The following CAPN2 variants were observed in gnomAD, a reference collection of about 807,000 sequenced individuals.
CAPN2 encodes calpain-2 catalytic subunit.
A neutral mutation model predicts 102.3 loss-of-function variants in CAPN2; 92 were observed. The ratio of observed to expected loss-of-function variants is 0.90; its 90% CI spans 0.76 to 1.07. The LOEUF is 1.07. Ranked by LOEUF, CAPN2 falls within the 50% of genes least tolerant of loss-of-function variation. CAPN2 has a pLI of 0.00. For synonymous variants in CAPN2, 340 were observed against 355.4 expected (o/e 0.96, Z 0.49); for missense variants, 800 against 909.4 (o/e 0.88, Z 1.55).
chr1:223,722,253 C>A (rs1021612833), intron 2 of CAPN2, among the ~76,000 whole-genome samples: 22 of 125,680 alleles, frequency 1.8e-4, no homozygotes, highest in African/African-American at 5.3e-4. Flanking sequence ...ATTTTTATTT[C>A]TTTTCCTTTC....
intron 9 of CAPN2, among the ~76,000 whole-genome samples, 196 bp downstream of exon 9, chr1:223,753,152 C>T (rs1660948959): frequency 6.6e-6 from 1 of 150,838 alleles, no homozygotes. Context: ...CTCTCTTTCT[C>T]AATCCCTTAC....
At chr1:223,768,416 C>T (rs1256891986) in intron 16 of CAPN2, among the ~76,000 whole-genome samples, 5 of 150,336 alleles carry the variant, frequency 3.3e-5, no homozygotes, top group African/African-American at 1.2e-4. Flanking sequence ...TATGGCTAGC[C>T]AGTTTTCCCA....
At chr1:223,705,032 C>T (rs1432117894) in intron 1 of CAPN2, among the ~76,000 whole-genome samples, 2 of 152,200 alleles carry the variant, frequency 1.3e-5, no homozygotes, top group Non-Finnish European at 2.9e-5. Flanking sequence ...CCCAGTTCAT[C>T]CACTAAAGGA....
chr1:223,731,591 C>T lies in CAPN2; in HGVS notation c.308-12509C>T, dbSNP rs77988699. On this transcript the variant is annotated intron_variant, in intron 2 of 20. Coordinates refer to ENST00000295006, the MANE Select transcript of CAPN2 (RefSeq NM_001748.5). This position sits in a 1 kb window ranked among gnomAD's most constrained non-coding sequence, Gnocchi z 4.2. ...CTCCTGCCGGCTGTGAGCTCACTGC[C>T]TCAGAACCAGCGCCAGTCTCCTCTA... Among the ~76,000 whole-genome samples the T allele has an allele frequency of 4.8e-3, 728 of 152,338 alleles. 34 individuals are homozygous for T. In the East Asian group the frequency reaches 0.11, roughly 24 times the overall value.
At chr1:223,758,668 T>G (rs1661101103) in intron 11 of CAPN2, 1 of 153,206 alleles carries the variant, frequency 6.5e-6, no homozygotes, top group African/African-American at 2.4e-5. Context: ...CAGGCATTTG[T>G]GTTTTTTGGT....
chr1:223,757,685 A>G (rs1661071437), intron 11 of CAPN2: 1 of 473,252 alleles, frequency 2.1e-6, no homozygotes, highest in Non-Finnish European at 3.8e-6. Flanking sequence ...GCTTTTCACA[A>G]AGTTCTTTGT....
rs769967044 is a variant in CAPN2 at position 223,769,896 on chromosome 1, T to C, written c.1811T>C (p.Ile604Thr). 2.5e-6 allele frequency: 4 copies of C among 1,603,282 alleles called. No individual in the cohort carries two copies. In the East Asian group the frequency reaches 9.0e-5, roughly 36 times the overall value. ...LKEFYILWTK[I>T]QKYQKIYREI... Reference sequence around the variant, plus strand: ...GAGTTCTACATTCTCTGGACGAAGATTCAAAAATACCAAGTAAGATCCCAG... The same window carrying C: ...GAGTTCTACATTCTCTGGACGAAGACTCAAAAATACCAAGTAAGATCCCAG... Residue 604 changes from isoleucine (I) to threonine (T), a missense_variant, in exon 17 of 21, where the codon ATT becomes ACT. Transcript: ENST00000295006.
chr1:223,702,009 A>AG (rs1659482883), intron 1 of CAPN2, among the ~76,000 whole-genome samples: 1 of 128,324 alleles, frequency 7.8e-6, no homozygotes, highest in Admixed American at 8.0e-5. Context: ...TCAAAAAAAA[A>AG]AAAAAAAAAA....
chr1:223,762,084 G>A (rs1377153833), intron 13 of CAPN2, 102 bp from the exon 14 acceptor site: 2 of 921,232 alleles, frequency 2.2e-6, no homozygotes. Context: ...CCAGGGAGGG[G>A]TAGAGAAGGG....
chr1:223,702,311 C>T (rs568437893), intron 1 of CAPN2, among the ~76,000 whole-genome samples: 3 of 152,060 alleles, frequency 2.0e-5, no homozygotes, highest in South Asian at 4.2e-4. Flanking sequence ...CCTGTAATCC[C>T]AGCTACTAGG....
At chr1:223,730,230 T>G (rs1002431119) in intron 2 of CAPN2, among the ~76,000 whole-genome samples, 2 of 151,962 alleles carry the variant, frequency 1.3e-5, no homozygotes, top group African/African-American at 2.4e-5. Context: ...GAAAAAGACC[T>G]GAAGGGAAGG....
intron 2 of CAPN2, among the ~76,000 whole-genome samples, chr1:223,729,095 G>T (rs1571789598): frequency 6.6e-6 from 1 of 152,118 alleles, no homozygotes; most frequent in African/African-American, 2.4e-5. Flanking sequence ...GCGGGCCTCA[G>T]TTCTCACCTG....
intron 6 of CAPN2, chr1:223,749,491 A>G (rs760986403): frequency 1.0e-4 from 24 of 236,004 alleles, no homozygotes; most frequent in Non-Finnish European, 5.8e-5. Context: ...TCGTAAAAGT[A>G]TTCGTGCCCA....
At chr1:223,721,419 C>T (rs1660048744) in intron 2 of CAPN2, among the ~76,000 whole-genome samples, 1 of 152,224 alleles carries the variant, frequency 6.6e-6, no homozygotes, top group African/African-American at 2.4e-5. Flanking sequence ...ACTGAGCTTT[C>T]CCCACAGCCT....
chr1:223,751,012 G>A, intron 7 of CAPN2, 37 bp downstream of exon 7: 5 of 1,483,322 alleles, frequency 3.4e-6, no homozygotes, highest in Non-Finnish European at 4.6e-6. Context: ...CCAGGCGGGG[G>A]TGCATTGTGC....
At chr1:223,766,233 G>A (rs1661311583) in intron 15 of CAPN2, 134 bp from the exon 16 acceptor site, 5 of 675,656 alleles carry the variant, frequency 7.4e-6, no homozygotes, top group South Asian at 3.4e-5. Flanking sequence ...CTAGCCACAT[G>A]TGGCTATTTA....
chr1:223,746,476 T>TTTTTTTTTTTTTTC (rs1660752241), intron 4 of CAPN2, among the ~76,000 whole-genome samples: 1 of 105,582 alleles, frequency 9.5e-6, no homozygotes, highest in Non-Finnish European at 1.8e-5. Context: ...TACGAGAATC[T>TTTTTTTTTTTTTTC]TTTTTTTTTT....
At chr1:223,751,210 C>T (rs1179094193) in intron 7 of CAPN2, among the ~76,000 whole-genome samples, 2 of 152,214 alleles carry the variant, frequency 1.3e-5, no homozygotes, top group South Asian at 2.1e-4. Flanking sequence ...GTGTGAAGTT[C>T]ATTCCTGCCA....
chr1:223,710,049 C>A (rs11805018), upstream of CAPN2, among the ~76,000 whole-genome samples: 11 of 152,088 alleles, frequency 7.2e-5, no homozygotes, highest in South Asian at 2.1e-3. Context: ...CTGAGGCAGG[C>A]GGATCACCTG....
Sources: allele counts gnomAD v4.1 joint callset (sites outside exome capture counted in the v4.1 genomes callset), GRCh38; gene constraint gnomAD v4.1.1; non-coding constraint Gnocchi (gnomAD v3.1); transcripts MANE v1.5; gene names NCBI Gene and HGNC (gene_info 2026-07-23, HGNC 2026-07-21).